Variants in PELI2 observed in about 807,000 individuals in gnomAD.
The protein encoded by PELI2 is E3 ubiquitin-protein ligase pellino homolog 2.
In PELI2, 23 loss-of-function variants were observed where a neutral mutation model predicts 42.3. That is an observed-to-expected ratio of 0.54 (90% CI 0.39 to 0.77). The LOEUF is 0.77. Ranked by LOEUF, PELI2 falls within the 30% of genes least tolerant of loss-of-function variation. PELI2 has a pLI of 0.00. For synonymous variants in PELI2, 245 were observed against 212.2 expected, an observed-to-expected ratio of 1.15 and a Z score of -1.34; for missense variants, 463 against 553.2, an observed-to-expected ratio of 0.84 and a Z score of 1.64.
At chr14:56,228,274 T>G (rs566945210) in intron 2 of PELI2, among the ~76,000 whole-genome samples, 22 of 152,244 alleles carry the variant, frequency 1.4e-4, no homozygotes, top group Non-Finnish European at 3.1e-4. Context: ...CTGTGGTTCA[T>G]CTTTCCCTTT....
chr14:56,222,391 G>T (rs17832675), intron 2 of PELI2, among the ~76,000 whole-genome samples: 17,414 of 152,228 alleles, frequency 0.11, 1,299 homozygotes, highest in Non-Finnish European at 0.16. Context: ...TGCTCGCATT[G>T]TTAGGTGAAC....
intron 1 of PELI2, among the ~76,000 whole-genome samples, chr14:56,152,162 G>A (rs924042048): frequency 2.6e-5 from 4 of 152,284 alleles, no homozygotes; most frequent in African/African-American, 4.8e-5. Context: ...AAACCATTAC[G>A]TGGCCACATC....
At chr14:56,206,680 G>T (rs80167357) in intron 2 of PELI2, among the ~76,000 whole-genome samples, 1 of 152,050 alleles carries the variant, frequency 6.6e-6, no homozygotes, top group Non-Finnish European at 1.5e-5. Flanking sequence ...AGTATTCTAT[G>T]GCTTTTTTCT....
At chr14:56,170,052 C>T (rs1325146481) in intron 1 of PELI2, among the ~76,000 whole-genome samples, 6 of 152,216 alleles carry the variant, frequency 3.9e-5, no homozygotes, top group Admixed American at 3.3e-4. Context: ...ACTGTGTGCC[C>T]TGCCTTTGAG....
intron 2 of PELI2, among the ~76,000 whole-genome samples, chr14:56,188,867 A>AT (rs1885861777): frequency 6.6e-6 from 1 of 152,342 alleles, no homozygotes; most frequent in Admixed American, 6.5e-5. Context: ...ACTTTATAAA[A>AT]TAGGGATTTA....
intron 1 of PELI2, among the ~76,000 whole-genome samples, chr14:56,125,760 G>A (rs1031269380): frequency 6.6e-6 from 1 of 152,148 alleles, no homozygotes; most frequent in African/African-American, 2.4e-5. Context: ...GCCCAGAGTG[G>A]CCATTGAATT....
At position 56,290,420 on chromosome 14, in the gene PELI2, GC is replaced by G; in HGVS notation, c.661del (p.Arg221GlufsTer50). On this transcript the variant is annotated frameshift_variant, in exon 5 of 6. Transcript: ENST00000267460. LOFTEE classifies it high-confidence loss of function. ...ISVCGDVYTL[R>X]ETRSAQQRGK... ...CTGTCTGTGGAGATGTGTACACCTTGCGAGAAACCAGGTCGGCCCAGCAACG... is the reference window on the plus strand; with the variant it reads ...CTGTCTGTGGAGATGTGTACACCTTGGAGAAACCAGGTCGGCCCAGCAACG... 6.2e-7 allele frequency: 1 copy of G among 1,608,926 alleles called. No individual in the cohort carries two copies. The highest frequency in any genetic ancestry group is 8.5e-7 in the Non-Finnish European group (1 of 1,176,508).
chr14:56,242,905 C>T (rs1276024692), intron 2 of PELI2, among the ~76,000 whole-genome samples: 1 of 152,156 alleles, frequency 6.6e-6, no homozygotes, highest in East Asian at 1.9e-4. Flanking sequence ...GTACAGTATA[C>T]ACTGCCCAGG....
chr14:56,207,250 A>G (rs946944201), intron 2 of PELI2, among the ~76,000 whole-genome samples: 2 of 152,194 alleles, frequency 1.3e-5, no homozygotes, highest in South Asian at 2.1e-4. Context: ...ATAAACCTTA[A>G]TGTTCCTGTC....
chr14:56,226,415 G>A (rs1887357852), intron 2 of PELI2, among the ~76,000 whole-genome samples: 1 of 152,190 alleles, frequency 6.6e-6, no homozygotes, highest in South Asian at 2.1e-4. Flanking sequence ...ATTATTTGGA[G>A]GCAGAGAGGT....
intron 1 of PELI2, among the ~76,000 whole-genome samples, chr14:56,155,120 A>C (rs1884502998): frequency 6.6e-6 from 1 of 152,200 alleles, no homozygotes. Flanking sequence ...TATTAAAGAC[A>C]CGAGGCTTTT....
chr14:56,204,965 G>C (rs1453778300), intron 2 of PELI2, among the ~76,000 whole-genome samples: 1 of 151,406 alleles, frequency 6.6e-6, no homozygotes, highest in Admixed American at 6.6e-5. Context: ...GGGAGGCGGA[G>C]GGTGCAGTGA....
intron 1 of PELI2, among the ~76,000 whole-genome samples, chr14:56,144,565 C>T (rs1193284904): frequency 6.6e-6 from 1 of 152,136 alleles, no homozygotes; most frequent in African/African-American, 2.4e-5. Context: ...GATTAGTGTT[C>T]GAATAACTAG....
intron 1 of PELI2, among the ~76,000 whole-genome samples, chr14:56,165,457 C>A (rs1267949257): frequency 6.6e-6 from 1 of 152,118 alleles, no homozygotes; most frequent in Non-Finnish European, 1.5e-5. Context: ...AGCCTGTCTT[C>A]AAGCGCATAT....
intron 2 of PELI2, among the ~76,000 whole-genome samples, chr14:56,246,585 GT>G (rs2139805906): frequency 6.6e-6 from 1 of 152,204 alleles, no homozygotes; most frequent in East Asian, 1.9e-4. Context: ...TTTTTGTGTT[GT>G]TTCTCTGTTA....
chr14:56,202,630 G>A (rs11623621), intron 2 of PELI2, among the ~76,000 whole-genome samples: 57,950 of 152,032 alleles, frequency 0.38, 12,345 homozygotes, highest in South Asian at 0.53. Flanking sequence ...TGGAGTCTGG[G>A]AGTGGGGAAG....
chr14:56,193,008 A>T (rs1310919247), intron 2 of PELI2, among the ~76,000 whole-genome samples: 1 of 152,220 alleles, frequency 6.6e-6, no homozygotes, highest in Non-Finnish European at 1.5e-5. Flanking sequence ...GGCAAAGTGA[A>T]TGCATATCTG....
chr14:56,118,940 C>G (rs867354930), intron 1 of PELI2, among the ~76,000 whole-genome samples: 1 of 150,362 alleles, frequency 6.7e-6, no homozygotes, highest in Non-Finnish European at 1.5e-5. Context: ...CGGCGGACGC[C>G]GGGCTGCGCT....
At chr14:56,290,525 T>G in intron 5 of PELI2, 69 bp downstream of exon 5, 1 of 1,212,966 alleles carries the variant, frequency 8.2e-7, no homozygotes, top group Non-Finnish European at 1.2e-6. Context: ...GCTATCATTT[T>G]CCTCCCCTGA....
Sources: gnomAD v4.1 joint callset for allele counts (sites outside exome capture counted in the v4.1 genomes callset) on GRCh38, gnomAD v4.1.1 for gene constraint, MANE v1.5 for transcripts, NCBI Gene and HGNC (gene_info 2026-07-23, HGNC 2026-07-21) for gene names.